The following THSD4 variants were observed in gnomAD, a reference collection of about 807,000 sequenced individuals.
THSD4 encodes thrombospondin type 1 domain containing 4, also known as thrombospondin type-1 domain-containing protein 4.
Under a neutral mutation model 119.0 loss-of-function variants are expected in THSD4, and 69 were observed. The observed-to-expected ratio is 0.58, with a 90% CI of 0.48 to 0.71. THSD4 has a LOEUF of 0.71. THSD4 is among the 30% of genes least tolerant of loss of function. The pLI is 0.00. For missense variants in THSD4, 1,393 were observed against 1,391.1 expected (o/e 1.00, Z -0.02); for synonymous variants, 524 against 540.4 (o/e 0.97, Z 0.42).
intron 7 of THSD4, among the ~76,000 whole-genome samples, chr15:71,464,247 C>G (rs1357010943): frequency 6.6e-6 from 1 of 152,198 alleles, no homozygotes; most frequent in Non-Finnish European, 1.5e-5. Flanking sequence ...CATTGCTTCC[C>G]TCTCCACCCC....
chr15:71,516,745 T>A (rs2048367119), intron 7 of THSD4, among the ~76,000 whole-genome samples: 1 of 152,226 alleles, frequency 6.6e-6, no homozygotes, highest in Non-Finnish European at 1.5e-5. Context: ...ACTGAAATCA[T>A]TAGTTTGATG....
Position 71,262,489 on chromosome 15 carries a change from T to G in THSD4, c.1015+5774T>G, listed in dbSNP as rs188204970. Among the ~76,000 whole-genome samples, 12 of 152,310 alleles carry G rather than the reference T, an allele frequency of 7.9e-5. 1 individual carries two copies. The East Asian group carries it at 2.1e-3, about 27-fold the overall frequency. ...AGATTGGAGCAAATTCTACCTGTTT[T>G]CATGCCAAGGGTAATGGGGCTGCAG... On this transcript the variant is annotated intron_variant, in intron 6 of 17. Transcript: ENST00000261862.
chr15:71,348,448 GTCT>G (rs1464112332), intron 6 of THSD4: 1 of 152,200 alleles, frequency 6.6e-6, no homozygotes, highest in Non-Finnish European at 1.5e-5. Flanking sequence ...CTTTTCCTTT[GTCT>G]TCCCTCAGAA....
At chr15:71,135,460 T>A (rs1456908179) in intron 1 of THSD4, among the ~76,000 whole-genome samples, 1 of 150,482 alleles carries the variant, frequency 6.6e-6, no homozygotes, top group Non-Finnish European at 1.5e-5. Context: ...ATGTCTAGTA[T>A]CTATTAAGGG....
chr15:71,300,727 A>C (rs77525045), intron 6 of THSD4, among the ~76,000 whole-genome samples: 176 of 152,340 alleles, frequency 1.2e-3, no homozygotes, highest in African/African-American at 4.1e-3. Flanking sequence ...ACTCTCAGTG[A>C]AATGTCTGGC....
chr15:71,543,638 T>G lies in THSD4; in HGVS notation c.1153-116892T>G, dbSNP rs191077131. Among the ~76,000 whole-genome samples the G allele has an allele frequency of 2.4e-4, 37 of 152,328 alleles. No individual in the cohort carries two copies. In the East Asian group the frequency reaches 7.1e-3, roughly 29 times the overall value. The stretch of plus-strand genomic sequence containing the variant: ...TAGCTCAGTTTTAGACCTGTTGAAT[T>G]TGGAGTACATTTGAGGAATGCAAGT... On this transcript the variant is annotated intron_variant, in intron 7 of 17. Coordinates refer to ENST00000261862, the MANE Select transcript of THSD4 (RefSeq NM_024817.3).
At chr15:71,287,077 A>G (rs932355145) in intron 6 of THSD4, among the ~76,000 whole-genome samples, 1 of 152,104 alleles carries the variant, frequency 6.6e-6, no homozygotes, top group African/African-American at 2.4e-5. Flanking sequence ...CTATGAGTAA[A>G]CATATTCCTG....
rs1252271155 is a variant in THSD4, at chr15:71,765,086, A to T, written c.2656A>T (p.Thr886Ser). The change falls in exon 16 of 18, where the codon ACC becomes TCC. Residue 886 changes from threonine to serine, a missense_variant. By Grantham distance (58) the Thr-to-Ser change is moderately conservative. Coordinates refer to ENST00000261862, the MANE Select transcript of THSD4 (RefSeq NM_024817.3). ...GATTTGTGTTAGAAAGAATGCAGAC[A>T]CCTTTGAAGTGTTGGACCCCTCTGA... The part of the protein sequence containing the change: ...EVICVRKNAD[T>S]FEVLDPSECS... 2 of 1,614,244 alleles carry T rather than the reference A, an allele frequency of 1.2e-6. No homozygotes were observed. The highest frequency in any genetic ancestry group is 2.2e-5 in the East Asian group (1 of 44,888).
chr15:71,464,278 T>C (rs751739850), intron 7 of THSD4, among the ~76,000 whole-genome samples: 4 of 152,242 alleles, frequency 2.6e-5, no homozygotes, highest in Non-Finnish European at 2.9e-5. Context: ...TGGCAGAGTG[T>C]ACCCTTCACC....
chr15:71,396,792 GT>G (rs1441904093), intron 6 of THSD4, among the ~76,000 whole-genome samples: 2 of 152,156 alleles, frequency 1.3e-5, no homozygotes, highest in Non-Finnish European at 2.9e-5. Context: ...AGCATGAAGA[GT>G]TTTGAACGGC....
chr15:71,393,528 A>G (rs1018852177), intron 6 of THSD4, among the ~76,000 whole-genome samples: 4 of 152,012 alleles, frequency 2.6e-5, no homozygotes, highest in Non-Finnish European at 4.4e-5. Flanking sequence ...TGGTGGAATC[A>G]GCCCCTTACC....
chr15:71,290,041 C>T (rs1478202547), intron 6 of THSD4, among the ~76,000 whole-genome samples: 1 of 152,086 alleles, frequency 6.6e-6, no homozygotes, highest in Non-Finnish European at 1.5e-5. Context: ...ATACACATTG[C>T]CCCCAAAGAA....
intron 8 of THSD4, among the ~76,000 whole-genome samples, chr15:71,700,169 C>G (rs745667429): frequency 6.6e-6 from 1 of 152,138 alleles, no homozygotes; most frequent in Non-Finnish European, 1.5e-5. Context: ...TTATATATGA[C>G]ATCATTTCTT....
intron 7 of THSD4, among the ~76,000 whole-genome samples, chr15:71,508,459 T>C (rs556001873): frequency 7.2e-5 from 11 of 152,282 alleles, no homozygotes; most frequent in African/African-American, 2.4e-4. Context: ...AGTTTTGCCC[T>C]GCTGTCCCTC....
chr15:71,387,699 C>G (rs2058082168), intron 6 of THSD4, among the ~76,000 whole-genome samples: 1 of 152,162 alleles, frequency 6.6e-6, no homozygotes, highest in South Asian at 2.1e-4. Flanking sequence ...AGAGAGAAAT[C>G]TTTCTTGTTG....
intron 6 of THSD4, among the ~76,000 whole-genome samples, chr15:71,397,193 G>T (rs1467591494): frequency 6.6e-6 from 1 of 152,090 alleles, no homozygotes; most frequent in African/African-American, 2.4e-5. Flanking sequence ...TCGTGGTCCT[G>T]GCCTTTGGAT....
At chr15:71,159,341 T>C (rs1447831153) in intron 3 of THSD4, among the ~76,000 whole-genome samples, 2 of 152,162 alleles carry the variant, frequency 1.3e-5, no homozygotes, top group Non-Finnish European at 2.9e-5. Flanking sequence ...ATTTTTTCAA[T>C]TTCTGTGACT....
chr15:71,635,616 A>C (rs1226190151), intron 7 of THSD4, among the ~76,000 whole-genome samples: 1 of 152,238 alleles, frequency 6.6e-6, no homozygotes, highest in East Asian at 1.9e-4. Context: ...ATGATCTTCT[A>C]GTTATCAAAT....
intron 7 of THSD4, among the ~76,000 whole-genome samples, chr15:71,521,955 G>A (rs77477152): frequency 0.036 from 5,546 of 152,324 alleles, 319 homozygotes; most frequent in African/African-American, 0.12. Context: ...CACCTGTGTG[G>A]TGAGCCAGTC....
Sources: gnomAD v4.1 joint callset for allele counts (sites outside exome capture counted in the v4.1 genomes callset) on GRCh38, gnomAD v4.1.1 for gene constraint, MANE v1.5 for transcripts, NCBI Gene and HGNC (gene_info 2026-07-23, HGNC 2026-07-21) for gene names.